SCLT1: variants seen among roughly 807,000 people sequenced by gnomAD.
The protein encoded by SCLT1 is sodium channel and clathrin linker 1, also known as sodium channel-associated protein 1.
A neutral mutation model predicts 112.8 loss-of-function variants in SCLT1; 78 were observed. That is an observed-to-expected ratio of 0.69 (90% confidence interval 0.58 to 0.83). SCLT1 has a LOEUF of 0.83. Among genes scored for constraint, SCLT1 ranks in the 40% least tolerant of loss-of-function variants. SCLT1 has a pLI of 0.00. For missense variants in SCLT1, 747 were observed against 770.4 expected (o/e 0.97, Z 0.36); for synonymous variants, 257 against 254.7 (o/e 1.01, Z -0.09).
At chr4:129,070,281 A>G (rs1750881630) in intron 2 of SCLT1, among the ~76,000 whole-genome samples, 1 of 152,140 alleles carries the variant, frequency 6.6e-6, no homozygotes, top group African/African-American at 2.4e-5. Flanking sequence ...AGAATGAATT[A>G]GGGAGGGTTC....
At chr4:128,931,516 G>A (rs1170123356) in intron 18 of SCLT1, among the ~76,000 whole-genome samples, 2 of 152,086 alleles carry the variant, frequency 1.3e-5, no homozygotes, top group Non-Finnish European at 2.9e-5. Context: ...AGGCTGGAGT[G>A]CAGTGGCACA....
In SCLT1 at chr4:128,892,172, A is replaced by G. The variant is rs533834023; in HGVS notation, c.1830-1035T>C. Among the ~76,000 whole-genome samples the G allele has an allele frequency of 1.6e-3, 238 of 152,326 alleles. No individual in the cohort carries two copies. In the South Asian group the frequency reaches 0.02, roughly 13 times the overall value. On this transcript the variant is annotated intron_variant, in intron 18 of 20. Coordinates refer to ENST00000281142, the MANE Select transcript of SCLT1 (RefSeq NM_144643.4). ...CTGTCTTCTTCTTCTTGTTCAACGTATAAGTATTCTATTGCTTTTAGCCAA... is the reference window on the plus strand; with the variant it reads ...CTGTCTTCTTCTTCTTGTTCAACGTGTAAGTATTCTATTGCTTTTAGCCAA...
intron 2 of SCLT1, among the ~76,000 whole-genome samples, chr4:129,065,556 A>G (rs1750404350): frequency 6.6e-6 from 1 of 152,080 alleles, no homozygotes; most frequent in Admixed American, 6.6e-5. Context: ...GTCATAGACA[A>G]TATATAAACA....
At chr4:129,070,406 T>C (rs545119098) in intron 2 of SCLT1, among the ~76,000 whole-genome samples, 1 of 152,048 alleles carries the variant, frequency 6.6e-6, no homozygotes, top group African/African-American at 2.4e-5. Flanking sequence ...TTTTTGTTGG[T>C]AATTTTCTAA....
intron 2 of SCLT1, among the ~76,000 whole-genome samples, chr4:129,052,177 G>C (rs574433034): frequency 4.6e-5 from 7 of 152,228 alleles, no homozygotes; most frequent in African/African-American, 1.4e-4. Flanking sequence ...ATAATGGACT[G>C]AAATTTTCTT....
chr4:129,081,330 CA>C (rs1751917846), intron 2 of SCLT1, among the ~76,000 whole-genome samples: 1 of 152,218 alleles, frequency 6.6e-6, no homozygotes, highest in Admixed American at 6.5e-5. Context: ...GGGCCATGAG[CA>C]AGGCTCTAAC....
chr4:128,967,937 A>G (rs916398560), intron 10 of SCLT1, among the ~76,000 whole-genome samples: 6 of 152,190 alleles, frequency 3.9e-5, no homozygotes, highest in African/African-American at 1.2e-4. Flanking sequence ...GCCTATGTCC[A>G]GAAGTGTTTC....
intron 5 of SCLT1, among the ~76,000 whole-genome samples, chr4:129,006,228 T>C (rs1452477888): frequency 6.6e-6 from 1 of 152,134 alleles, no homozygotes; most frequent in African/African-American, 2.4e-5. Context: ...TAACTGACAG[T>C]AAGACAGTTT....
At chr4:129,001,523 T>A (rs1355656418) in intron 6 of SCLT1, among the ~76,000 whole-genome samples, 2 of 152,126 alleles carry the variant, frequency 1.3e-5, no homozygotes, top group Non-Finnish European at 2.9e-5. Flanking sequence ...ATAATGAATA[T>A]ATTTATTCAA....
chr4:129,039,931 C>G (rs543509986), intron 4 of SCLT1: 2 of 408,712 alleles, frequency 4.9e-6, no homozygotes, highest in Non-Finnish European at 9.1e-6. Flanking sequence ...CACACACACA[C>G]AAAACCCTGA....
At chr4:128,929,713 A>AC (rs1186345654) in intron 18 of SCLT1, among the ~76,000 whole-genome samples, 4 of 152,230 alleles carry the variant, frequency 2.6e-5, no homozygotes, top group Non-Finnish European at 4.4e-5. Flanking sequence ...AAATTATGAC[A>AC]AAAGGGGCAG....
intron 20 of SCLT1, among the ~76,000 whole-genome samples, chr4:128,886,011 T>G (rs1341104409): frequency 6.6e-6 from 1 of 152,234 alleles, no homozygotes; most frequent in East Asian, 1.9e-4. Context: ...ATTAGCCTTT[T>G]GTCATATATG....
chr4:129,050,210 G>A (rs778114168), intron 2 of SCLT1, among the ~76,000 whole-genome samples: 3 of 152,110 alleles, frequency 2.0e-5, no homozygotes, highest in Non-Finnish European at 2.9e-5. Context: ...ACGTGTGCAT[G>A]TGTCTTTATA....
At chr4:129,038,490 T>C (rs1414809516) in intron 5 of SCLT1, among the ~76,000 whole-genome samples, 2 of 152,082 alleles carry the variant, frequency 1.3e-5, no homozygotes, top group East Asian at 3.9e-4. Flanking sequence ...AAAAAGTATA[T>C]CGCTTGGAGA....
intron 9 of SCLT1, among the ~76,000 whole-genome samples, chr4:128,988,727 A>G (rs116149414): frequency 0.015 from 2,246 of 152,054 alleles, 63 homozygotes; most frequent in African/African-American, 0.051. Flanking sequence ...TATGCTGCCT[A>G]CGAGAAACTC....
At chr4:128,949,545 A>G (rs559799750) in intron 14 of SCLT1, among the ~76,000 whole-genome samples, 4 of 151,428 alleles carry the variant, frequency 2.6e-5, no homozygotes, top group African/African-American at 9.7e-5. Context: ...CTACCCCACA[A>G]CAGTCCCTGG....
At chr4:128,910,075 G>A (rs888643211) in intron 18 of SCLT1, among the ~76,000 whole-genome samples, 20 of 152,342 alleles carry the variant, frequency 1.3e-4, no homozygotes, top group Middle Eastern at 3.4e-3. Context: ...GCAGGGACAC[G>A]TATGTCACCG....
intron 10 of SCLT1, among the ~76,000 whole-genome samples, chr4:128,967,958 TGA>T (rs1165235924): frequency 1.6e-4 from 24 of 152,358 alleles, no homozygotes; most frequent in Admixed American, 2.0e-4. Flanking sequence ...CACAGTTTCT[TGA>T]TGAGAACTTA....
chr4:128,915,138 A>G (rs1004914806), intron 18 of SCLT1, among the ~76,000 whole-genome samples: 2 of 152,248 alleles, frequency 1.3e-5, no homozygotes, highest in African/African-American at 4.8e-5. Context: ...ACTATACTAT[A>G]GACTGTTATG....
Sources: gnomAD v4.1 joint callset for allele counts (sites outside exome capture counted in the v4.1 genomes callset) on GRCh38, gnomAD v4.1.1 for gene constraint, MANE v1.5 for transcripts, NCBI Gene and HGNC (gene_info 2026-07-23, HGNC 2026-07-21) for gene names.